The following SKIC2 variants were observed in gnomAD, a reference collection of about 807,000 sequenced individuals.
SKIC2 encodes the protein superkiller complex protein 2.
At chr6:31,960,953 C>T in the SKIC2 span, 1 of 1,033,912 alleles carries the variant, frequency 9.7e-7, no homozygotes, top group African/African-American at 1.6e-5. Context: ...CAGCATCTGT[C>T]CTGTAAATGG....
At chr6:31,966,872 G>A in the SKIC2 span, 3 of 1,614,122 alleles carry the variant, frequency 1.9e-6, no homozygotes, top group Non-Finnish European at 2.5e-6. The surrounding 1 kb of genome is among the most constrained non-coding windows in gnomAD (Gnocchi z 5.9). Context: ...TAACCAGTGT[G>A]TGGAGCAGGA....
chr6:31,959,217 G>A, the SKIC2 span: 1 of 1,608,418 alleles, frequency 6.2e-7, no homozygotes, highest in Non-Finnish European at 8.5e-7. Flanking sequence ...GCGACTTGGT[G>A]AGGGGGAGGG....
the SKIC2 span, chr6:31,961,914 A>G: frequency 6.2e-7 from 1 of 1,613,050 alleles, no homozygotes; most frequent in Non-Finnish European, 8.5e-7. Flanking sequence ...CATAGTGGGC[A>G]TTTGAGCCAG....
the SKIC2 span, chr6:31,959,177 CT>C: frequency 6.2e-7 from 1 of 1,609,622 alleles, no homozygotes; most frequent in African/African-American, 1.3e-5. Context: ...TGCCAGGCAG[CT>C]GCTGTGGCTC....
chr6:31,959,228 G>A, the SKIC2 span: 1 of 1,608,558 alleles, frequency 6.2e-7, no homozygotes, highest in Admixed American at 1.7e-5. Context: ...AGGGGGAGGG[G>A]AGGGAAATGG....
chr6:31,961,702 C>T, the SKIC2 span: 2 of 1,603,734 alleles, frequency 1.2e-6, no homozygotes, highest in Non-Finnish European at 1.7e-6. Context: ...TTCACACGCT[C>T]CTCTACCTCT....
chr6:31,968,853 C>T, the SKIC2 span: 4,646 of 1,611,740 alleles, frequency 2.9e-3, 146 homozygotes, highest in East Asian at 0.072. This position sits in a 1 kb window ranked among gnomAD's most constrained non-coding sequence, Gnocchi z 6.1. Flanking sequence ...TGTCCAATGC[C>T]CACCCTTTTT....
chr6:31,963,713 C>A, the SKIC2 span: 1 of 1,548,444 alleles, frequency 6.5e-7, no homozygotes, highest in Non-Finnish European at 8.7e-7. This position sits in a 1 kb window ranked among gnomAD's most constrained non-coding sequence, Gnocchi z 5.3. Flanking sequence ...GCAGCCCACA[C>A]ATCAGGGGGG....
At chr6:31,966,565 G>A in the SKIC2 span, 1 of 752,848 alleles carries the variant, frequency 1.3e-6, no homozygotes, top group Non-Finnish European at 2.2e-6. This position sits in a 1 kb window ranked among gnomAD's most constrained non-coding sequence, Gnocchi z 5.9. Flanking sequence ...TTATGTTACA[G>A]AAGAGGTGAG....
chr6:31,968,559 T>C, the SKIC2 span: 1 of 1,601,444 alleles, frequency 6.2e-7, no homozygotes, highest in Admixed American at 1.7e-5. This position sits in a 1 kb window ranked among gnomAD's most constrained non-coding sequence, Gnocchi z 6.1. Context: ...GGGTGGTAAC[T>C]CCCAAGCTGG....
chr6:31,959,380 C>G, the SKIC2 span: 2 of 1,613,154 alleles, frequency 1.2e-6, no homozygotes, highest in Non-Finnish European at 1.7e-6. Flanking sequence ...GCTGAACTTG[C>G]CTGGAGCTCC....
chr6:31,969,566 C>T, the SKIC2 span: 25 of 1,613,768 alleles, frequency 1.5e-5, no homozygotes, highest in South Asian at 4.4e-5. The surrounding 1 kb of genome is among the most constrained non-coding windows in gnomAD (Gnocchi z 6.1). Context: ...CCTGGTGGTC[C>T]GCTGCATTCA....
At chr6:31,968,975 G>C in the SKIC2 span, 1 of 1,612,986 alleles carries the variant, frequency 6.2e-7, no homozygotes, top group Non-Finnish European at 8.5e-7. This position sits in a 1 kb window ranked among gnomAD's most constrained non-coding sequence, Gnocchi z 6.1. Flanking sequence ...CTGAGCTCAT[G>C]TTTGACAATG....
At chr6:31,969,273 C>G in the SKIC2 span, 1 of 1,614,012 alleles carries the variant, frequency 6.2e-7, no homozygotes, top group Non-Finnish European at 8.5e-7. The surrounding 1 kb of genome is among the most constrained non-coding windows in gnomAD (Gnocchi z 6.1). Context: ...CTCCTTCTTT[C>G]CTGCAGGGAA....
At chr6:31,961,131 C>A in the SKIC2 span, 1,449 of 1,603,902 alleles carry the variant, frequency 9.0e-4, 16 homozygotes, top group Admixed American at 0.017. Flanking sequence ...TAGGAGAAGT[C>A]ATGTCCTTCT....
chr6:31,963,588 G>C, the SKIC2 span: 2 of 1,538,740 alleles, frequency 1.3e-6, no homozygotes, highest in Non-Finnish European at 1.7e-6. The surrounding 1 kb of genome is among the most constrained non-coding windows in gnomAD (Gnocchi z 5.3). Context: ...GAAAGAGTTA[G>C]GGCTGGGCCC....
chr6:31,959,661 AG>A, the SKIC2 span: 1 of 554,194 alleles, frequency 1.8e-6, no homozygotes. Flanking sequence ...TCTGTATCCA[AG>A]CACCAGGGCA....
At chr6:31,968,473 G>T in the SKIC2 span, 1 of 1,613,000 alleles carries the variant, frequency 6.2e-7, no homozygotes, top group African/African-American at 1.3e-5. The surrounding 1 kb of genome is among the most constrained non-coding windows in gnomAD (Gnocchi z 6.1). Flanking sequence ...TGGGCTCCGG[G>T]CCCGGAAGCT....
chr6:31,959,203 C>A, the SKIC2 span: 1 of 1,609,290 alleles, frequency 6.2e-7, no homozygotes, highest in African/African-American at 1.3e-5. Context: ...ATGATGGAGA[C>A]AGAGCGACTT....
Sources: allele counts gnomAD v4.1 joint callset, GRCh38; gene constraint gnomAD v4.1.1; non-coding constraint Gnocchi (gnomAD v3.1); transcripts MANE v1.5; gene names NCBI Gene and HGNC (gene_info 2026-07-23, HGNC 2026-07-21).